SUMF2: variants seen among roughly 807,000 people sequenced by gnomAD.
The protein encoded by SUMF2 is sulfatase modifying factor 2, also known as inactive C-alpha-formylglycine-generating enzyme 2.
Under a neutral mutation model 44.8 loss-of-function variants are expected in SUMF2, and 45 were observed. The observed-to-expected ratio is 1.00, with a 90% CI of 0.79 to 1.29. The LOEUF (loss-of-function observed/expected upper bound fraction) is 1.29. Ranked by LOEUF, SUMF2 falls within the 50% of genes most tolerant of loss-of-function variation. SUMF2 has a pLI of 0.00. For missense variants in SUMF2, 418 were observed against 389.9 expected (o/e 1.07, Z -0.61); for synonymous variants, 148 against 150.4 (o/e 0.98, Z 0.12).
At chr7:56,084,240 C>A, downstream of SUMF2, 1 of 1,523,134 alleles carries the variant, frequency 6.6e-7, no homozygotes, top group Non-Finnish European at 8.8e-7. Flanking sequence ...TCAGTGTCTT[C>A]CCATCTGTGG....
At chr7:56,085,212 C>A (rs1457317576), downstream of SUMF2, among the ~76,000 whole-genome samples, 1 of 152,146 alleles carries the variant, frequency 6.6e-6, no homozygotes, top group Non-Finnish European at 1.5e-5. Context: ...CCGCCTGCCT[C>A]AGCCTCCCAA....
downstream of SUMF2, chr7:56,083,016 G>C (rs1796086169): frequency 2.5e-6 from 1 of 392,618 alleles, no homozygotes; most frequent in Non-Finnish European, 4.7e-6. Context: ...TGAGGCAGGA[G>C]AATCACTTGA....
chr7:56,071,824 A>AT (rs1284890186), intron 2 of SUMF2, among the ~76,000 whole-genome samples: 1 of 148,594 alleles, frequency 6.7e-6, no homozygotes, highest in Non-Finnish European at 1.5e-5. Flanking sequence ...AATTAAATAA[A>AT]AAATAATTTG....
Position 56,074,170 on chromosome 7 carries a change from G to A in SUMF2, c.340-4G>A. 9 of 1,613,754 alleles carry A rather than the reference G, an allele frequency of 5.6e-6. No homozygotes were observed. The highest frequency in any genetic ancestry group is 1.7e-4 in the Middle Eastern group (1 of 6,036). The stretch of plus-strand genomic sequence containing the variant: ...CTTGCAGTCGGTCTCCTTCTTTTTC[G>A]CAGTCTGTACTCTGGTGGCTTCCAG... On this transcript the variant is annotated splice_polypyrimidine_tract_variant and splice_region_variant and intron_variant, in intron 3 of 8. Coordinates refer to ENST00000434526, the MANE Select transcript of SUMF2 (RefSeq NM_015411.4).
rs1382847162 is a variant in SUMF2 at position 56,077,629 on chromosome 7, C to T, written c.592-473C>T. 8.0e-5 allele frequency among the ~76,000 whole-genome samples: 12 copies of T among 149,880 alleles called. No homozygotes were observed. The South Asian group carries it at 1.9e-3, about 24-fold the overall frequency. On this transcript the variant is annotated intron_variant, in intron 6 of 8. Coordinates refer to ENST00000434526, the MANE Select transcript of SUMF2 (RefSeq NM_015411.4). ...AGCTACCACTGTACTCTAGCCTTGG[C>T]GACAGAACGAGACCCTGCCTCAAAA...
At chr7:56,087,864 C>A in the SUMF2 span, 1 of 1,047,754 alleles carries the variant, frequency 9.5e-7, no homozygotes, top group Non-Finnish European at 1.4e-6. Context: ...ATGTCCTGCC[C>A]TTGACAGAGA....
At position 56,079,521 on chromosome 7, in the gene SUMF2, C is replaced by T. The variant is rs143972395; in HGVS notation, c.822-7C>T. 3.7e-6 allele frequency: 6 copies of T among 1,609,680 alleles called. No individual in the cohort carries two copies. Among genetic ancestry groups the T allele is most frequent in the Non-Finnish European group, 5.1e-6 (6 of 1,177,056 alleles). On this transcript the variant is annotated splice_region_variant and splice_polypyrimidine_tract_variant and intron_variant, in intron 8 of 8. Coordinates refer to ENST00000434526, the MANE Select transcript of SUMF2 (RefSeq NM_015411.4). The stretch of plus-strand genomic sequence containing the variant: ...TGTCTGTCCTCTCTCCCCTTCTCTG[C>T]TGGCAGGATGGGCAACACTCCAGAT...
chr7:56,064,295 G>A lies in SUMF2; in HGVS notation c.-17G>A, dbSNP rs766514695. The A allele has an allele frequency of 1.9e-6, 3 of 1,579,300 alleles. No homozygotes were observed. Among genetic ancestry groups the A allele is most frequent in the Non-Finnish European group, 2.6e-6 (3 of 1,162,958 alleles). ...CAGCGGGGCCGTGGGTGTACGCGGC[G>A]CAGCGCGGCAGTCCTGATGGCCCGG... On this transcript the variant is annotated 5_prime_UTR_variant, in exon 1 of 9. Transcript: ENST00000434526.
Position 56,074,883 on chromosome 7 carries a change from A to C in SUMF2, c.535+147A>C, listed in dbSNP as rs185510794. 1.5e-3 allele frequency: 1,461 copies of C among 985,878 alleles called. 19 individuals are homozygous for C. The Admixed American group carries it at 0.029, about 20-fold the overall frequency. The allele number at this position is 985,878 out of a possible 1,614,324, so 61.1% of individuals were successfully genotyped here. ...GAGGCTGGGGCAGGAGGATCGCTTG[A>C]GGCCAGGAGTAAAAGACTAGCCTGG... On this transcript the variant is annotated intron_variant, in intron 5 of 8. Coordinates refer to ENST00000434526, the MANE Select transcript of SUMF2 (RefSeq NM_015411.4).
At chr7:56,076,024 G>A (rs1051570509) in intron 5 of SUMF2, among the ~76,000 whole-genome samples, 28 of 117,132 alleles carry the variant, frequency 2.4e-4, no homozygotes, top group African/African-American at 8.0e-4. Flanking sequence ...CACCATGCCC[G>A]GCTATTTTTT....
Position 56,078,410 on chromosome 7 carries a change from G to A in SUMF2, c.723G>A (p.Pro241=), listed in dbSNP as rs769744698. The A allele has an allele frequency of 8.7e-6, 14 of 1,611,662 alleles. 1 individual carries two copies. The highest frequency in any genetic ancestry group is 6.7e-5 in the East Asian group (3 of 44,832). ...LGNVWEWTAS[P]YQAAEQDMRV... is the part of the protein sequence containing the mutation. ...ACGTGTGGGAGTGGACAGCATCACCGTACCAGGCTGCTGAGCAGGACATGC... is the reference window on the plus strand; with the variant it reads ...ACGTGTGGGAGTGGACAGCATCACCATACCAGGCTGCTGAGCAGGACATGC... Residue 241 remains proline (P), a synonymous_variant, in exon 8 of 9, where the codon CCG becomes CCA. Coordinates refer to ENST00000434526, the MANE Select transcript of SUMF2 (RefSeq NM_015411.4).
downstream of SUMF2, chr7:56,082,161 A>T: frequency 6.2e-7 from 1 of 1,613,584 alleles, no homozygotes; most frequent in Non-Finnish European, 8.5e-7. Flanking sequence ...CGGCGCACTC[A>T]CATGTCCACC....
the SUMF2 span, among the ~76,000 whole-genome samples, chr7:56,087,240 G>T: frequency 7.6e-6 from 1 of 130,904 alleles, no homozygotes; most frequent in Non-Finnish European, 1.6e-5. Flanking sequence ...ATTATTATTA[G>T]AGACAGGATC....
At chr7:56,083,120 A>T, downstream of SUMF2, 1 of 642,440 alleles carries the variant, frequency 1.6e-6, no homozygotes, top group Admixed American at 3.0e-5. Context: ...AAAAAAAAAA[A>T]GAAAGAAAAA....
At chr7:56,072,583 C>T (rs568495007) in intron 2 of SUMF2, among the ~76,000 whole-genome samples, 41 of 151,790 alleles carry the variant, frequency 2.7e-4, no homozygotes, top group Non-Finnish European at 5.1e-4. Context: ...ATTACCTGGG[C>T]GTGGTGGCAG....
chr7:56,079,397 C>T, intron 8 of SUMF2, 131 bp from the exon 9 acceptor site: 2 of 927,588 alleles, frequency 2.2e-6, no homozygotes, highest in South Asian at 3.2e-5. Context: ...GGCTTCTTTC[C>T]AGACCATGCT....
chr7:56,081,252 G>A (rs373782986), downstream of SUMF2: 11 of 1,612,950 alleles, frequency 6.8e-6, no homozygotes, highest in African/African-American at 9.3e-5. This position sits in a 1 kb window ranked among gnomAD's most constrained non-coding sequence, Gnocchi z 4.6. Context: ...TCACCCGGCG[G>A]TACTGGTAGT....
chr7:56,082,108 T>C, downstream of SUMF2: 1 of 1,611,202 alleles, frequency 6.2e-7, no homozygotes, highest in Non-Finnish European at 8.5e-7. Flanking sequence ...CAGCCCTGCC[T>C]ACTTCCTCCC....
chr7:56,078,333 A>G (rs1455029480), intron 7 of SUMF2, 31 bp from the exon 8 acceptor site: 2 of 1,572,006 alleles, frequency 1.3e-6, no homozygotes, highest in Non-Finnish European at 1.7e-6. Context: ...GGCGGGTCCC[A>G]GCCTGGCCTG....
Sources: gnomAD v4.1 joint callset for allele counts (sites outside exome capture counted in the v4.1 genomes callset) on GRCh38, gnomAD v4.1.1 for gene constraint, Gnocchi (gnomAD v3.1) non-coding constraint, MANE v1.5 for transcripts, NCBI Gene and HGNC (gene_info 2026-07-23, HGNC 2026-07-21) for gene names.